USP7: variants seen among roughly 807,000 people sequenced by gnomAD.
The protein encoded by USP7 is ubiquitin specific peptidase 7, also known as ubiquitin C-terminal hydrolase 7.
In USP7, 9 loss-of-function variants were observed where a neutral mutation model predicts 162.9. The observed-to-expected ratio is 0.06, with a 90% CI of 0.03 to 0.10. USP7 has a LOEUF of 0.10. Ranked by LOEUF, USP7 falls within the 10% of genes least tolerant of loss-of-function variation. The probability of loss-of-function intolerance (pLI) is 1.00; values close to 1 mark genes in which losing one functional copy is unlikely to be tolerated. For missense variants in USP7, 715 were observed against 1,373.7 expected, an observed-to-expected ratio of 0.52 and a Z score of 7.58; for synonymous variants, 562 against 475.9, an observed-to-expected ratio of 1.18 and a Z score of -2.35.
intron 11 of USP7, 108 bp downstream of exon 11, chr16:8,910,637 A>T (rs1393110144): frequency 1.1e-6 from 1 of 947,646 alleles, no homozygotes; most frequent in African/African-American, 1.7e-5. Context: ...TATTCTAAAT[A>T]CCAGAAACAC....
At chr16:8,954,182 ACTGGAGGCAGAGGGAAGACACG>A (rs1567248518) in intron 1 of USP7, among the ~76,000 whole-genome samples, 1 of 115,108 alleles carries the variant, frequency 8.7e-6, no homozygotes, top group Admixed American at 9.0e-5. Context: ...CTGCGGTGCC[ACTGGAGGCAGAGGGAAGACACG>A]TGCCCCCTGC....
At chr16:8,924,718 CT>C (rs1368142599) in intron 2 of USP7, among the ~76,000 whole-genome samples, 2 of 152,260 alleles carry the variant, frequency 1.3e-5, no homozygotes, top group African/African-American at 4.8e-5. Context: ...CTTGAAGTTT[CT>C]GACTGAGTTT....
chr16:8,906,382 A>G, intron 13 of USP7, 44 bp downstream of exon 13: 4 of 1,591,060 alleles, frequency 2.5e-6, no homozygotes, highest in Non-Finnish European at 3.4e-6. Flanking sequence ...GCTTGTGTTA[A>G]CTTTCTGATG....
intron 1 of USP7, among the ~76,000 whole-genome samples, chr16:8,951,897 C>A (rs1233617164): frequency 6.6e-6 from 1 of 152,222 alleles, no homozygotes; most frequent in African/African-American, 2.4e-5. Flanking sequence ...CACCAAATGC[C>A]ACCTGCAGTG....
At chr16:8,903,074 G>C (rs920205102) in intron 16 of USP7, among the ~76,000 whole-genome samples, 194 bp downstream of exon 16, 1 of 152,194 alleles carries the variant, frequency 6.6e-6, no homozygotes, top group African/African-American at 2.4e-5. Flanking sequence ...GGGTTCCCCT[G>C]TGCAGGAGTC....
chr16:8,904,452 G>A lies in USP7; in HGVS notation c.1687C>T (p.Leu563Phe), dbSNP rs1298331231. ...QKRKERQEAH[L>F]YMQVQIVAED... ...GGGCTGACCTGCACTTGCATATAGA[G>A]ATGGGCTTCCTGCCGCTCCTTCCGC... is the stretch of plus-strand genomic sequence containing the variant. The change falls in exon 15 of 31, where the codon CTC becomes TTC. Residue 563 changes from leucine (L) to phenylalanine (F), a missense_variant. By Grantham distance (22) the Leu-to-Phe change is conservative. Around this residue, in one of 11 missense-constraint regions of USP7, gnomAD observed 197 missense variants for 306.5 expected, o/e 0.64. Coordinates refer to ENST00000344836, the MANE Select transcript of USP7 (RefSeq NM_003470.3). The A allele has an allele frequency of 4.3e-6, 7 of 1,614,070 alleles. No homozygotes were observed. Among genetic ancestry groups the A allele is most frequent in the Non-Finnish European group, 5.9e-6 (7 of 1,180,028 alleles).
At chr16:8,930,518 T>C in intron 1 of USP7, 121 bp from the exon 2 acceptor site, 1 of 660,650 alleles carries the variant, frequency 1.5e-6, no homozygotes, top group Non-Finnish European at 2.4e-6. Flanking sequence ...TGTACCACAA[T>C]AAAGATTCAT....
chr16:8,940,402 C>T (rs753664796), intron 1 of USP7, among the ~76,000 whole-genome samples: 59 of 152,184 alleles, frequency 3.9e-4, no homozygotes, highest in Non-Finnish European at 5.6e-4. Flanking sequence ...GAGAACTCTT[C>T]GGCTTCTTGA....
At chr16:8,934,700 T>G (rs1898580921) in intron 1 of USP7, among the ~76,000 whole-genome samples, 1 of 152,228 alleles carries the variant, frequency 6.6e-6, no homozygotes, top group Non-Finnish European at 1.5e-5. Context: ...GTGGCCAATC[T>G]GCCCTTTTCC....
At position 8,919,228 on chromosome 16, in the gene USP7, T is replaced by G. The variant is rs1897542517; in HGVS notation, c.612-89A>C. 18 of 1,335,570 alleles carry G rather than the reference T, an allele frequency of 1.3e-5. No homozygotes were observed. The South Asian group carries it at 1.9e-4, about 14-fold the overall frequency. 82.7% of individuals were successfully genotyped at this position (1,335,570 alleles called of 1,614,324 possible). On this transcript the variant is annotated intron_variant, in intron 5 of 30. Transcript: ENST00000344836. ...GAAGCAATCTGACTCAAGGTCAGCCTTAAGGAAACCGAGGCCAGGAACACT... is the reference window on the plus strand; with the variant it reads ...GAAGCAATCTGACTCAAGGTCAGCCGTAAGGAAACCGAGGCCAGGAACACT...
At chr16:8,961,559 T>C (rs959147277) in intron 1 of USP7, among the ~76,000 whole-genome samples, 2 of 141,468 alleles carry the variant, frequency 1.4e-5, no homozygotes, top group African/African-American at 2.6e-5. Context: ...TTCCCAAAGA[T>C]ACAGGTCTGT....
intron 16 of USP7, among the ~76,000 whole-genome samples, chr16:8,902,892 A>G (rs186095740): frequency 6.6e-6 from 1 of 152,286 alleles, no homozygotes; most frequent in East Asian, 1.9e-4. Flanking sequence ...AAAAGAAAAA[A>G]AGACTGTGAT....
At position 8,920,426 on chromosome 16, in the gene USP7, C is replaced by G; in HGVS notation, c.544G>C (p.Gly182Arg). ...GTAACTTTGTCATCATCTATAAATC[C>G]TTTCTCAGGATCGGTCACTTCCTAT... ...AWSEVTDPEK[G>R]FIDDDKVTFE... The change falls in exon 5 of 31, where the codon GGA becomes CGA. Residue 182 changes from glycine to arginine, a missense_variant. Physicochemically the swap from Gly to Arg is moderately radical, Grantham distance 125. Transcript: ENST00000344836. The G allele has an allele frequency of 6.2e-7, 1 of 1,613,490 alleles. No homozygotes were observed. The highest frequency in any genetic ancestry group is 8.5e-7 in the Non-Finnish European group (1 of 1,179,860).
intron 10 of USP7, among the ~76,000 whole-genome samples, chr16:8,913,003 G>A (rs946679236): frequency 3.3e-5 from 5 of 152,108 alleles, no homozygotes; most frequent in Non-Finnish European, 5.9e-5. Context: ...GAGGCTGGGG[G>A]TAACCTCAGG....
chr16:8,909,261 T>C (rs1243012643), intron 11 of USP7, among the ~76,000 whole-genome samples: 2 of 152,170 alleles, frequency 1.3e-5, no homozygotes, highest in African/African-American at 2.4e-5. Flanking sequence ...GACTCACAGC[T>C]CTATTTCCAA....
chr16:8,958,238 G>A (rs989047954), intron 1 of USP7, among the ~76,000 whole-genome samples: 2 of 152,234 alleles, frequency 1.3e-5, no homozygotes, highest in African/African-American at 4.8e-5. Context: ...AACAGGGAGA[G>A]GCGACTAGAA....
At chr16:8,944,392 C>T (rs1899187453) in intron 1 of USP7, among the ~76,000 whole-genome samples, 1 of 152,178 alleles carries the variant, frequency 6.6e-6, no homozygotes, top group African/African-American at 2.4e-5. Context: ...GGTCCATTTA[C>T]ACCTTGGCAA....
rs778913414 is a variant in USP7, at chr16:8,903,226, T to C, written c.1839+42A>G. On this transcript the variant is annotated intron_variant, in intron 16 of 30. Transcript: ENST00000344836. The stretch of plus-strand genomic sequence containing the variant: ...TAGTGACACGGAAGGAAGGTGGACG[T>C]TGGGAGCCACGGTGGGGTATATCCA... 3.2e-6 allele frequency: 5 copies of C among 1,586,764 alleles called. No individual in the cohort carries two copies. In the Admixed American group the frequency reaches 7.0e-5, roughly 22 times the overall value.
chr16:8,898,513 A>C lies in USP7; in HGVS notation c.2640+18T>G. On this transcript the variant is annotated intron_variant, in intron 24 of 30. Transcript: ENST00000344836. ...CCTTCTCTTTATGACCCATAGTTAC[A>C]TTAATTTGGACTCATACCTGCTGAT... 1.2e-6 allele frequency: 2 copies of C among 1,606,076 alleles called. 1 individual carries two copies. The highest frequency in any genetic ancestry group is 2.2e-5 in the South Asian group (2 of 89,476).
Sources: allele counts gnomAD v4.1 joint callset (sites outside exome capture counted in the v4.1 genomes callset), GRCh38; gene constraint gnomAD v4.1.1; regional missense constraint gnomAD v4.1.1; transcripts MANE v1.5; gene names NCBI Gene and HGNC (gene_info 2026-07-23, HGNC 2026-07-21).